Variants in SV2B observed in about 807,000 individuals in gnomAD.
The protein encoded by SV2B is solute carrier family 22 member B2.
Under a neutral mutation model 73.9 loss-of-function variants are expected in SV2B, and 41 were observed. The observed-to-expected ratio is 0.56, with a 90% CI of 0.43 to 0.72. The LOEUF (loss-of-function observed/expected upper bound fraction) is 0.72, where lower values mean the gene tolerates loss of function less well. Among genes scored for constraint, SV2B ranks in the 30% least tolerant of loss-of-function variants. The pLI is 0.00. For synonymous variants in SV2B, 314 were observed against 314.2 expected, an observed-to-expected ratio of 1.00 and a Z score of 0.01; for missense variants, 764 against 857.8, an observed-to-expected ratio of 0.89 and a Z score of 1.37.
In SV2B at chr15:91,281,637, C is replaced by G. The variant is rs2048685159; in HGVS notation, c.1374-91C>G. The G allele has an allele frequency of 1.5e-5, 22 of 1,440,820 alleles. No individual in the cohort carries two copies. In the South Asian group the frequency reaches 3.0e-4, roughly 20 times the overall value. The allele number at this position is 1,440,820 out of a possible 1,614,324, so 89.3% of individuals were successfully genotyped here. ...GCTCTGGCACCTTTTGCTTGCACATCTCCTTTTTCTGCCTTGCTGTGTTTT... is the reference window on the plus strand; with the variant it reads ...GCTCTGGCACCTTTTGCTTGCACATGTCCTTTTTCTGCCTTGCTGTGTTTT... On this transcript the variant is annotated intron_variant, in intron 9 of 12. Transcript: ENST00000394232. The surrounding 1 kb of genome is among the most constrained non-coding windows in gnomAD (Gnocchi z 4.7).
intron 1 of SV2B, among the ~76,000 whole-genome samples, chr15:91,182,278 C>G (rs1483322256): frequency 2.0e-5 from 3 of 152,188 alleles, no homozygotes; most frequent in Non-Finnish European, 2.9e-5. Context: ...GTCCATCTAA[C>G]TGTCATTATG....
chr15:91,262,645 T>A (rs963590080), intron 6 of SV2B, among the ~76,000 whole-genome samples: 1 of 151,630 alleles, frequency 6.6e-6, no homozygotes, highest in East Asian at 1.9e-4. Context: ...TCAGTGTTGG[T>A]TGTTCCCTTC....
rs539675113 is a variant in SV2B at position 91,283,487 on chromosome 15, A to G, written c.1508-534A>G. ...GTCTCCCTCTTTTGCCCAGGCTGGAATGCAGTGGCATGACCATGGCTCAAT... is the reference window on the plus strand; with the variant it reads ...GTCTCCCTCTTTTGCCCAGGCTGGAGTGCAGTGGCATGACCATGGCTCAAT... On this transcript the variant is annotated intron_variant, in intron 10 of 12. Coordinates refer to ENST00000394232, the MANE Select transcript of SV2B (RefSeq NM_001323032.3). The surrounding 1 kb of genome is among the most constrained non-coding windows in gnomAD (Gnocchi z 4.3). Among the ~76,000 whole-genome samples, 23 of 152,006 alleles carry G rather than the reference A, an allele frequency of 1.5e-4. No individual in the cohort carries two copies. Among genetic ancestry groups the G allele is most frequent in the Non-Finnish European group, 2.9e-4 (20 of 67,998 alleles).
intron 1 of SV2B, among the ~76,000 whole-genome samples, chr15:91,161,358 A>G (rs1409986449): frequency 1.3e-5 from 2 of 152,248 alleles, no homozygotes; most frequent in African/African-American, 4.8e-5. Flanking sequence ...GTATACAATA[A>G]AATATTAGGG....
chr15:91,277,226 G>C (rs2048523847), intron 9 of SV2B, among the ~76,000 whole-genome samples: 1 of 152,174 alleles, frequency 6.6e-6, no homozygotes, highest in Admixed American at 6.5e-5. Flanking sequence ...TCTTTTGCTA[G>C]GTTTTAACAG....
intron 1 of SV2B, among the ~76,000 whole-genome samples, chr15:91,153,919 A>T (rs2043398978): frequency 6.6e-6 from 1 of 152,086 alleles, no homozygotes; most frequent in South Asian, 2.1e-4. Context: ...AGGTTTCTCT[A>T]GTCTCCTGTG....
chr15:91,103,262 C>T lies in SV2B; in HGVS notation c.-392+2899C>T, dbSNP rs374391570. 1.3e-3 allele frequency among the ~76,000 whole-genome samples: 194 copies of T among 152,290 alleles called. 5 individuals are homozygous for T. In the South Asian group the frequency reaches 0.037, roughly 29 times the overall value. On this transcript the variant is annotated intron_variant, in intron 1 of 12. Transcript: ENST00000394232. Reference sequence around the variant, plus strand: ...CACAGGAATTAAGGACACTGTGGAACGCAACATTCAGATTTCTCCCATCCG... The same window carrying T: ...CACAGGAATTAAGGACACTGTGGAATGCAACATTCAGATTTCTCCCATCCG...
Position 91,296,852 on chromosome 15 carries a change from GCGCACGC to G in SV2B, c.*4301_*4307del. 6.6e-6 allele frequency: 1 copy of G among 152,534 alleles called. No homozygotes were observed. Among genetic ancestry groups the G allele is most frequent in the African/African-American group, 2.5e-5 (1 of 40,538 alleles). 9.4% of individuals were successfully genotyped at this position (152,534 alleles called of 1,614,324 possible). A position where few individuals can be genotyped will look rare whatever the true frequency, so the allele number is the denominator to read the frequency against. ...TCACGCTCCTTCTGCCCGATCTTGG[GCGCACGC>G]TCCTTCTGCCCGATCGTTGGGCGCA... On this transcript the variant is annotated 3_prime_UTR_variant, in exon 13 of 13. Transcript: ENST00000394232.
At chr15:91,263,361 G>A (rs888801737) in intron 6 of SV2B, among the ~76,000 whole-genome samples, 1 of 148,224 alleles carries the variant, frequency 6.7e-6, no homozygotes, top group African/African-American at 2.5e-5. Flanking sequence ...CAGACACACA[G>A]ACACATTAAG....
rs1235561642 is a variant in SV2B at position 91,139,621 on chromosome 15, C to T, written c.-392+39258C>T. Among the ~76,000 whole-genome samples, 2 of 152,120 alleles carry T rather than the reference C, an allele frequency of 1.3e-5. No homozygotes were observed. Among genetic ancestry groups the T allele is most frequent in the Non-Finnish European group, 2.9e-5 (2 of 68,004 alleles). The stretch of plus-strand genomic sequence containing the variant: ...TAAGGTGATCCCAGGTCTACAGTGT[C>T]CCTGGCTGTCAGAGAAGGCAAAAGC... On this transcript the variant is annotated intron_variant, in intron 1 of 12. Coordinates refer to ENST00000394232, the MANE Select transcript of SV2B (RefSeq NM_001323032.3). The surrounding 1 kb of genome is among the most constrained non-coding windows in gnomAD (Gnocchi z 5.2).
rs919221387 is a variant in SV2B at position 91,280,824 on chromosome 15, C to T, written c.1374-904C>T. On this transcript the variant is annotated intron_variant, in intron 9 of 12. Coordinates refer to ENST00000394232, the MANE Select transcript of SV2B (RefSeq NM_001323032.3). The surrounding 1 kb of genome is among the most constrained non-coding windows in gnomAD (Gnocchi z 5.8). ...GTATTATTCCTCACTTCCATTGTGC[C>T]TCCCTGGAAACAACCGTTTCTATCA... Among the ~76,000 whole-genome samples the T allele has an allele frequency of 3.3e-5, 5 of 152,196 alleles. No individual in the cohort carries two copies. Among genetic ancestry groups the T allele is most frequent in the African/African-American group, 4.8e-5 (2 of 41,446 alleles).
At position 91,206,760 on chromosome 15, in the gene SV2B, T is replaced by C. The variant is rs187041251; in HGVS notation, c.-391-19113T>C. On this transcript the variant is annotated intron_variant, in intron 1 of 12. Transcript: ENST00000394232. ...GTTCGACCTAGTACCTGTTATGTTT[T>C]CCCTTGACTTGATTATATTATATGA... 7.1e-4 allele frequency among the ~76,000 whole-genome samples: 108 copies of C among 152,308 alleles called. 2 individuals carry two copies. The highest frequency in any genetic ancestry group is 2.3e-3 in the South Asian group (11 of 4,826).
At position 91,280,740 on chromosome 15, in the gene SV2B, G is replaced by A. The variant is rs1329009975; in HGVS notation, c.1374-988G>A. On this transcript the variant is annotated intron_variant, in intron 9 of 12. Transcript: ENST00000394232. The surrounding 1 kb of genome is among the most constrained non-coding windows in gnomAD (Gnocchi z 5.8). ...TAGGTGCCTTATTGTCTTTTTAACT[G>A]AGTTTTAAAAAAAAGTGAACACATA... 6.6e-6 allele frequency among the ~76,000 whole-genome samples: 1 copy of A among 152,054 alleles called. No individual in the cohort carries two copies. The highest frequency in any genetic ancestry group is 1.9e-4 in the East Asian group (1 of 5,182).
intron 11 of SV2B, among the ~76,000 whole-genome samples, chr15:91,285,549 G>T (rs2048832084): frequency 6.6e-6 from 1 of 152,230 alleles, no homozygotes; most frequent in African/African-American, 2.4e-5. Flanking sequence ...CACTTTGGCT[G>T]GGAGTCAGGT....
chr15:91,273,528 T>C lies in SV2B; in HGVS notation c.1373+4923T>C, dbSNP rs556178420. ...AAACATGTGCACATGTTGTAGCAAA[T>C]AAATAAGACCCCTGTTGAGTTTTGG... On this transcript the variant is annotated intron_variant, in intron 9 of 12. Transcript: ENST00000394232. 5.3e-5 allele frequency among the ~76,000 whole-genome samples: 8 copies of C among 152,324 alleles called. No homozygotes were observed. In the South Asian group the frequency reaches 1.7e-3, roughly 32 times the overall value.
chr15:91,195,667 C>T (rs539260030), intron 1 of SV2B, among the ~76,000 whole-genome samples: 1 of 152,312 alleles, frequency 6.6e-6, no homozygotes, highest in South Asian at 2.1e-4. Context: ...GGTTAAGCAG[C>T]TGAGCCATTT....
chr15:91,167,826 C>T (rs905420525), intron 1 of SV2B, among the ~76,000 whole-genome samples: 7 of 152,176 alleles, frequency 4.6e-5, no homozygotes, highest in Non-Finnish European at 1.0e-4. Context: ...TTACAAGAAT[C>T]TAAGTTCTGT....
intron 6 of SV2B, 106 bp from the exon 7 acceptor site, chr15:91,266,476 A>T: frequency 1.2e-6 from 1 of 804,638 alleles, no homozygotes; most frequent in Non-Finnish European, 2.0e-6. Flanking sequence ...GAAATCGCAG[A>T]CTCCTCTAGT....
intron 1 of SV2B, among the ~76,000 whole-genome samples, chr15:91,133,453 T>C (rs2042718916): frequency 6.6e-6 from 1 of 152,176 alleles, no homozygotes; most frequent in African/African-American, 2.4e-5. Flanking sequence ...AATTGACAAA[T>C]TCTAATGATA....
Sources: allele counts gnomAD v4.1 joint callset (sites outside exome capture counted in the v4.1 genomes callset), GRCh38; gene constraint gnomAD v4.1.1; non-coding constraint Gnocchi (gnomAD v3.1); transcripts MANE v1.5; gene names NCBI Gene and HGNC (gene_info 2026-07-23, HGNC 2026-07-21).